The following FMN1 variants were observed in gnomAD, a reference collection of about 807,000 sequenced individuals.
The protein encoded by FMN1 is formin-1.
Under a neutral mutation model 132.4 loss-of-function variants are expected in FMN1, and 110 were observed. The ratio of observed to expected loss-of-function variants is 0.83; its 90% CI spans 0.71 to 0.97. The LOEUF is 0.97. Ranked by LOEUF, FMN1 falls within the 50% of genes least tolerant of loss-of-function variation. The pLI, the probability that FMN1 is intolerant of heterozygous loss-of-function variation, is 0.00. For synonymous variants in FMN1, 722 were observed against 651.7 expected (o/e 1.11, Z -1.64); for missense variants, 1,792 against 1,705.3 (o/e 1.05, Z -0.90).
At chr15:32,845,140 T>C (rs975312713) in intron 17 of FMN1, among the ~76,000 whole-genome samples, 7 of 152,240 alleles carry the variant, frequency 4.6e-5, no homozygotes, top group Non-Finnish European at 8.8e-5. Context: ...AAGAGAAGTC[T>C]TGTGATAGCA....
At chr15:33,178,942 A>G (rs1230332965) in intron 3 of FMN1, among the ~76,000 whole-genome samples, 1 of 152,230 alleles carries the variant, frequency 6.6e-6, no homozygotes, top group Non-Finnish European at 1.5e-5. Flanking sequence ...AACATGACAC[A>G]TATTCAGTAA....
chr15:33,159,322 T>C lies in FMN1; in HGVS notation c.-131-4277A>G, dbSNP rs567153094. On this transcript the variant is annotated intron_variant, in intron 3 of 20. Coordinates refer to ENST00000616417, the MANE Select transcript of FMN1 (RefSeq NM_001277313.2). ...TAGATTGTGGTGCCATTCACAAAGA[T>C]AAATGCACGAAGAGGAATAGGCTTC... is the stretch of plus-strand genomic sequence containing the variant. 4.6e-5 allele frequency among the ~76,000 whole-genome samples: 7 copies of C among 152,282 alleles called. No homozygotes were observed. In the South Asian group the frequency reaches 1.5e-3, roughly 32 times the overall value.
chr15:33,055,648 G>A (rs906897583), intron 6 of FMN1, among the ~76,000 whole-genome samples: 2 of 151,294 alleles, frequency 1.3e-5, no homozygotes, highest in Non-Finnish European at 2.9e-5. Context: ...CCAGAATATT[G>A]CAGGTCTAAA....
chr15:32,886,102 T>C (rs1280681338), intron 16 of FMN1, among the ~76,000 whole-genome samples: 2 of 152,226 alleles, frequency 1.3e-5, no homozygotes, highest in Non-Finnish European at 2.9e-5. Flanking sequence ...ATTCTGGCCA[T>C]CTTGCCAGAT....
Position 33,139,570 on chromosome 15 carries a change from G to A in FMN1, c.1867+13478C>T, listed in dbSNP as rs543426502. ...CACGCCACTGCACTCCAGCCAGGGC[G>A]ACAGAGCGAGACTTCTGTCTCTAAA... On this transcript the variant is annotated intron_variant, in intron 4 of 20. Transcript: ENST00000616417. Among the ~76,000 whole-genome samples the A allele has an allele frequency of 3.9e-5, 6 of 152,334 alleles. No homozygotes were observed. In the South Asian group the frequency reaches 1.0e-3, roughly 26 times the overall value.
chr15:33,038,106 T>C (rs1393910648), intron 6 of FMN1, among the ~76,000 whole-genome samples: 1 of 152,210 alleles, frequency 6.6e-6, no homozygotes, highest in African/African-American at 2.4e-5. Context: ...TGCATGCCTG[T>C]AATCCCAGCT....
chr15:33,066,978 C>A lies in FMN1; in HGVS notation c.2044-1904G>T. 2.5e-6 allele frequency: 4 copies of A among 1,614,006 alleles called. No homozygotes were observed. In the South Asian group the frequency reaches 3.3e-5, roughly 13 times the overall value. On this transcript the variant is annotated intron_variant, in intron 5 of 20. Coordinates refer to ENST00000616417, the MANE Select transcript of FMN1 (RefSeq NM_001277313.2). ...GTCAATTTGAGCAAAGCTAAGTCCC[C>A]ATCCTTTGGTTTAATTTCCGTGATG...
intron 7 of FMN1, among the ~76,000 whole-genome samples, chr15:32,994,232 T>TCTCTCTCTCTCTCTCTCTCACACA (rs904998781): frequency 2.7e-5 from 1 of 37,200 alleles, no homozygotes; most frequent in East Asian, 8.6e-4. Context: ...TCTCTCTCTC[T>TCTCTCTCTCTCTCTCTCTCACACA]CACACACACA....
chr15:33,128,891 C>G (rs1392057478), intron 4 of FMN1, among the ~76,000 whole-genome samples: 1 of 152,228 alleles, frequency 6.6e-6, no homozygotes, highest in African/African-American at 2.4e-5. Flanking sequence ...AGCTTTTATT[C>G]CCTTATTTGG....
chr15:33,096,330 G>A (rs1049958092), intron 4 of FMN1, among the ~76,000 whole-genome samples: 12 of 152,120 alleles, frequency 7.9e-5, no homozygotes, highest in Non-Finnish European at 1.6e-4. Context: ...TGGTCTAGTC[G>A]TCTGTCAATA....
chr15:33,069,994 T>TCTCTCTC (rs1555393425), intron 5 of FMN1, among the ~76,000 whole-genome samples: 1 of 32,564 alleles, frequency 3.1e-5, no homozygotes, highest in Non-Finnish European at 7.3e-5. Flanking sequence ...AGTCTTTCTC[T>TCTCTCTC]TTTTTTTTTT....
At chr15:33,140,679 A>C (rs1162606310) in intron 4 of FMN1, among the ~76,000 whole-genome samples, 3 of 152,276 alleles carry the variant, frequency 2.0e-5, no homozygotes, top group Non-Finnish European at 4.4e-5. Context: ...CGAAATGCTT[A>C]ACTCTAACCA....
At chr15:33,122,847 A>G (rs1177803897) in intron 4 of FMN1, among the ~76,000 whole-genome samples, 2 of 152,230 alleles carry the variant, frequency 1.3e-5, no homozygotes, top group Non-Finnish European at 2.9e-5. Context: ...TAGGAATAGA[A>G]AGAGATTGAC....
intron 14 of FMN1, 60 bp from the exon 15 acceptor site, chr15:32,898,953 G>A: frequency 8.8e-7 from 1 of 1,133,472 alleles, no homozygotes; most frequent in Non-Finnish European, 1.3e-6. Flanking sequence ...ATGTTACACG[G>A]TTGAGAGGTG....
chr15:33,076,745 T>C (rs944123058), intron 5 of FMN1, among the ~76,000 whole-genome samples: 16 of 152,192 alleles, frequency 1.1e-4, no homozygotes, highest in African/African-American at 3.9e-4. Context: ...ATGTTTCTTT[T>C]CATGACAATA....
intron 4 of FMN1, among the ~76,000 whole-genome samples, chr15:33,118,438 C>A (rs913112100): frequency 2.6e-5 from 4 of 152,124 alleles, no homozygotes; most frequent in African/African-American, 9.7e-5. Flanking sequence ...TAAGCACCAG[C>A]AAACAGAGAA....
At chr15:32,834,025 A>T (rs1048591363) in intron 17 of FMN1, among the ~76,000 whole-genome samples, 2 of 151,948 alleles carry the variant, frequency 1.3e-5, no homozygotes, top group Non-Finnish European at 2.9e-5. Context: ...ATTTTTTCTG[A>T]TTCTCAGAAC....
chr15:32,801,652 A>G (rs1001024270), intron 18 of FMN1, among the ~76,000 whole-genome samples: 1 of 152,130 alleles, frequency 6.6e-6, no homozygotes, highest in African/African-American at 2.4e-5. Context: ...AAAATTATTC[A>G]GGCGTGGTGG....
chr15:32,802,202 C>A (rs746274240), intron 18 of FMN1, among the ~76,000 whole-genome samples: 5 of 152,218 alleles, frequency 3.3e-5, no homozygotes, highest in African/African-American at 4.8e-5. Context: ...CCTTTTCTCT[C>A]TGCTATAATT....
Sources: allele counts gnomAD v4.1 joint callset (sites outside exome capture counted in the v4.1 genomes callset), GRCh38; gene constraint gnomAD v4.1.1; transcripts MANE v1.5; gene names NCBI Gene and HGNC (gene_info 2026-07-23, HGNC 2026-07-21).